The following WDR72 variants were observed in gnomAD, a reference collection of about 807,000 sequenced individuals.
WDR72 encodes WD repeat-containing protein 72.
In WDR72, 120 loss-of-function variants were observed where a neutral mutation model predicts 124.2. The observed-to-expected ratio is 0.97, with a 90% CI of 0.83 to 1.12. The LOEUF (loss-of-function observed/expected upper bound fraction) is 1.12, where lower values mean the gene tolerates loss of function less well. Among genes scored for constraint, WDR72 ranks in the 50% most tolerant of loss-of-function variants. The pLI is 0.00. For synonymous variants in WDR72, 452 were observed against 441.7 expected (o/e 1.02, Z -0.29); for missense variants, 1,387 against 1,278.8 (o/e 1.08, Z -1.29).
At chr15:53,543,058 C>A (rs1309818360) in intron 18 of WDR72, among the ~76,000 whole-genome samples, 3 of 147,610 alleles carry the variant, frequency 2.0e-5, no homozygotes, top group Admixed American at 6.7e-5. Flanking sequence ...GACTTTAACA[C>A]CCCACTGTCA....
At chr15:53,725,412 T>G (rs185392611) in intron 2 of WDR72, among the ~76,000 whole-genome samples, 48 of 152,288 alleles carry the variant, frequency 3.2e-4, no homozygotes, top group African/African-American at 1.2e-3. Context: ...CATATAAAAC[T>G]AAACATATTC....
At chr15:53,689,841 A>G (rs905945352) in intron 13 of WDR72, among the ~76,000 whole-genome samples, 2 of 152,044 alleles carry the variant, frequency 1.3e-5, no homozygotes, top group East Asian at 1.9e-4. Context: ...GATAGACTGG[A>G]TTAAGAAAAT....
At chr15:53,661,122 T>A (rs2015595034) in intron 14 of WDR72, among the ~76,000 whole-genome samples, 1 of 152,184 alleles carries the variant, frequency 6.6e-6, no homozygotes. Context: ...CAGAGTTGAG[T>A]ACCCATAGCA....
intron 13 of WDR72, among the ~76,000 whole-genome samples, chr15:53,691,660 T>C (rs151067927): frequency 0.3 from 43,707 of 145,530 alleles, 6,772 homozygotes; most frequent in East Asian, 0.35. Context: ...GATAGATAGA[T>C]AGATAGATAG....
In WDR72 at chr15:53,517,666, G is replaced by A. The variant is rs145549474; in HGVS notation, c.*33C>T. On this transcript the variant is annotated 3_prime_UTR_variant, in exon 20 of 20. Coordinates refer to ENST00000360509, the MANE Select transcript of WDR72 (RefSeq NM_182758.4). ...TGGCATCTTTTGGATTTCTTAATTT[G>A]TCCAAATTCAGCTCCTACTGATGAG... 380 of 1,608,340 alleles carry A rather than the reference G, an allele frequency of 2.4e-4. No homozygotes were observed. In the African/African-American group the frequency reaches 4.5e-3, roughly 19 times the overall value.
chr15:53,608,785 TATAA>T, intron 17 of WDR72, among the ~76,000 whole-genome samples: 1 of 149,904 alleles, frequency 6.7e-6, no homozygotes, highest in African/African-American at 2.5e-5. Context: ...AATAAATAAA[TATAA>T]AAATAAAAAC....
intron 18 of WDR72, among the ~76,000 whole-genome samples, chr15:53,545,522 T>A (rs562147197): frequency 1.3e-5 from 2 of 151,838 alleles, no homozygotes; most frequent in East Asian, 3.9e-4. Flanking sequence ...TCAAGATGGA[T>A]TAAAGACTTA....
intron 13 of WDR72, among the ~76,000 whole-genome samples, chr15:53,668,795 AC>A (rs757437226): frequency 2.8e-5 from 4 of 142,330 alleles, no homozygotes; most frequent in Non-Finnish European, 6.1e-5. Flanking sequence ...AGTCACAGCT[AC>A]TTGGGGGGCT....
chr15:53,528,616 CTA>C (rs1339791442), intron 18 of WDR72, among the ~76,000 whole-genome samples: 2 of 151,830 alleles, frequency 1.3e-5, no homozygotes, highest in African/African-American at 2.4e-5. Flanking sequence ...TGAAGAGTAA[CTA>C]TTATTTTTGT....
At chr15:53,655,669 G>A (rs889748404) in intron 14 of WDR72, among the ~76,000 whole-genome samples, 1 of 151,838 alleles carries the variant, frequency 6.6e-6, no homozygotes, top group Non-Finnish European at 1.5e-5. Flanking sequence ...GAGCTCAGAA[G>A]AAAGTAATGA....
In WDR72 at chr15:53,611,738, A is replaced by AT. The variant is rs36097219; in HGVS notation, c.2872+1927dup. On this transcript the variant is annotated intron_variant, in intron 16 of 19. Coordinates refer to ENST00000360509, the MANE Select transcript of WDR72 (RefSeq NM_182758.4). Reference sequence around the variant, plus strand: ...GAGTCATCTAACTTCCTTGAGTCCCATTTTTTTTTTTTAACGGTAAAACAG... The same window carrying AT: ...GAGTCATCTAACTTCCTTGAGTCCCATTTTTTTTTTTTTAACGGTAAAACAG... Among the ~76,000 whole-genome samples, 657 of 146,256 alleles carry AT rather than the reference A, an allele frequency of 4.5e-3. 4 individuals are homozygous for AT. The highest frequency in any genetic ancestry group is 0.013 in the Admixed American group (184 of 14,614).
At chr15:53,719,062 A>G (rs2140567724) in intron 3 of WDR72, among the ~76,000 whole-genome samples, 1 of 152,212 alleles carries the variant, frequency 6.6e-6, no homozygotes, top group African/African-American at 2.4e-5. Context: ...ATTCTTCCAT[A>G]CACTTTCTAT....
chr15:53,527,504 C>T (rs1271580688), intron 18 of WDR72, among the ~76,000 whole-genome samples: 1 of 151,876 alleles, frequency 6.6e-6, no homozygotes, highest in Non-Finnish European at 1.5e-5. Flanking sequence ...AGATGGAGCC[C>T]ATTGAAAAAA....
chr15:53,669,040 G>A (rs2015897055), intron 13 of WDR72, among the ~76,000 whole-genome samples: 1 of 146,588 alleles, frequency 6.8e-6, no homozygotes, highest in African/African-American at 2.5e-5. Flanking sequence ...GGAAGGGAAA[G>A]AAGGGGAAGG....
intron 13 of WDR72, among the ~76,000 whole-genome samples, chr15:53,674,419 G>C (rs1046351118): frequency 1.2e-4 from 18 of 152,140 alleles, no homozygotes; most frequent in African/African-American, 4.3e-4. Flanking sequence ...CACATATGGA[G>C]ATCGACCTAG....
chr15:53,667,604 A>T (rs2015824466), intron 13 of WDR72, among the ~76,000 whole-genome samples: 1 of 152,150 alleles, frequency 6.6e-6, no homozygotes, highest in Admixed American at 6.5e-5. Context: ...CCTGAAAACT[A>T]CTGCATTCCA....
intron 14 of WDR72, among the ~76,000 whole-genome samples, chr15:53,628,205 T>C (rs1211419616): frequency 6.6e-5 from 10 of 152,184 alleles, no homozygotes; most frequent in Admixed American, 2.0e-4. Context: ...GCATTCTAGT[T>C]AATCTTCAAG....
In WDR72 at chr15:53,615,834, G is replaced by A; in HGVS notation, c.2372C>T (p.Thr791Ile). The part of the protein sequence containing the change: ...KPSRKVDASL[T>I]IDTAKLFLSC... ...CAGAAACAATTTTGCTGTGTCTATT[G>A]TGAGACTGGCATCTACTTTTCTTGA... is the stretch of plus-strand genomic sequence containing the variant. The change falls in exon 15 of 20, where the codon ACA (threonine) becomes ATA (isoleucine). Residue 791 changes from threonine (T) to isoleucine (I), a missense_variant. Thr to Ile is a moderately conservative substitution (Grantham distance 89). Coordinates refer to ENST00000360509, the MANE Select transcript of WDR72 (RefSeq NM_182758.4). 1 of 1,613,598 alleles carries A rather than the reference G, an allele frequency of 6.2e-7. No homozygotes were observed. The highest frequency in any genetic ancestry group is 8.5e-7 in the Non-Finnish European group (1 of 1,179,658).
chr15:53,715,541 T>C (rs1342558383), intron 4 of WDR72, among the ~76,000 whole-genome samples, 174 bp from the exon 5 acceptor site: 1 of 152,234 alleles, frequency 6.6e-6, no homozygotes, highest in African/African-American at 2.4e-5. Context: ...ATTGGCACTT[T>C]AGTCTCATTT....
Sources: allele counts gnomAD v4.1 joint callset (sites outside exome capture counted in the v4.1 genomes callset), GRCh38; gene constraint gnomAD v4.1.1; transcripts MANE v1.5; gene names NCBI Gene and HGNC (gene_info 2026-07-23, HGNC 2026-07-21).